RBFOX3: variants seen among roughly 807,000 people sequenced by gnomAD.
The protein encoded by RBFOX3 is RNA binding protein fox-1 homolog 3.
In RBFOX3, 17 loss-of-function variants were observed where a neutral mutation model predicts 48.7. The observed-to-expected ratio is 0.35, with a 90% confidence interval of 0.24 to 0.52. The LOEUF is 0.52. Ranked by LOEUF, RBFOX3 falls within the 20% of genes least tolerant of loss-of-function variation. The probability of loss-of-function intolerance (pLI) is 0.94; values close to 1 mark genes in which losing one functional copy is unlikely to be tolerated. For missense variants in RBFOX3, 382 were observed against 497.5 expected (o/e 0.77, Z 2.21); for synonymous variants, 212 against 209.5 (o/e 1.01, Z -0.10).
chr17:79,137,014 C>A (rs2040370371), intron 4 of RBFOX3, among the ~76,000 whole-genome samples: 1 of 152,160 alleles, frequency 6.6e-6, no homozygotes, highest in African/African-American at 2.4e-5. Context: ...ACCTTCACAA[C>A]CCTGGCATCC....
chr17:79,631,149 G>T, the RBFOX3 span, among the ~76,000 whole-genome samples: 3,164 of 152,236 alleles, frequency 0.021, 99 homozygotes, highest in African/African-American at 0.063. Flanking sequence ...ACCCTCTGGG[G>T]TGGGACTCGC....
At chr17:79,587,506 C>T (rs951956226) in intron 1 of RBFOX3, among the ~76,000 whole-genome samples, 1 of 152,196 alleles carries the variant, frequency 6.6e-6, no homozygotes, top group Non-Finnish European at 1.5e-5. Context: ...CCAGGCCAAC[C>T]CTGTTTGGGA....
chr17:79,596,346 C>T (rs952332486), intron 1 of RBFOX3, among the ~76,000 whole-genome samples: 10 of 152,326 alleles, frequency 6.6e-5, no homozygotes, highest in African/African-American at 2.2e-4. Flanking sequence ...TCAGCGGGGT[C>T]CTTGTTCCTC....
chr17:79,471,697 G>T lies in RBFOX3; in HGVS notation c.-175+10757C>A, dbSNP rs7213692. On this transcript the variant is annotated intron_variant, in intron 2 of 14. Transcript: ENST00000693108. This position sits in a 1 kb window ranked among gnomAD's most constrained non-coding sequence, Gnocchi z 4.0. Reference sequence around the variant, plus strand: ...TTTATAACAAGAAAGGACTCTGAACGTTGTCAGGTGAGTAGCACTGCCTGT... The same window carrying T: ...TTTATAACAAGAAAGGACTCTGAACTTTGTCAGGTGAGTAGCACTGCCTGT... 1.3e-5 allele frequency among the ~76,000 whole-genome samples: 2 copies of T among 152,064 alleles called. No individual in the cohort carries two copies. Among genetic ancestry groups the T allele is most frequent in the Admixed American group, 6.5e-5 (1 of 15,276 alleles).
In RBFOX3 at chr17:79,094,306, T is replaced by G. The variant is rs1416648295; in HGVS notation, c.1077+145A>C. 5.4e-6 allele frequency: 3 copies of G among 558,002 alleles called. No homozygotes were observed. In the East Asian group the frequency reaches 1.0e-4, roughly 19 times the overall value. The allele number at this position is 558,002 out of a possible 1,614,324, so 34.6% of individuals were successfully genotyped here. A position where few individuals can be genotyped will look rare whatever the true frequency, so the allele number is the denominator to read the frequency against. On this transcript the variant is annotated intron_variant, in intron 14 of 14. Transcript: ENST00000693108. ...TGAGGGGCCAGCCCTCCCCTCACCC[T>G]AACTCACATCCAGGCCGTGGTCCTT... is the stretch of plus-strand genomic sequence containing the variant.
chr17:79,124,879 C>A (rs972958237), intron 4 of RBFOX3, among the ~76,000 whole-genome samples: 1 of 151,182 alleles, frequency 6.6e-6, no homozygotes, highest in South Asian at 2.1e-4. Flanking sequence ...AGGCTGTCGT[C>A]GGCTGGCTCT....
chr17:79,127,944 G>T (rs777781950), intron 4 of RBFOX3, among the ~76,000 whole-genome samples: 4 of 152,240 alleles, frequency 2.6e-5, no homozygotes, highest in Non-Finnish European at 4.4e-5. Context: ...GCTGGTGCGG[G>T]CAGGGAGCCC....
chr17:79,247,619 T>C (rs1023676421), intron 3 of RBFOX3, among the ~76,000 whole-genome samples: 1 of 152,174 alleles, frequency 6.6e-6, no homozygotes, highest in African/African-American at 2.4e-5. Flanking sequence ...GCCCCCATGT[T>C]GTTTTAATTT....
chr17:79,412,369 CAT>C (rs917306616), intron 2 of RBFOX3, among the ~76,000 whole-genome samples: 7 of 151,346 alleles, frequency 4.6e-5, no homozygotes, highest in East Asian at 2.0e-4. Flanking sequence ...TGTGTATGCA[CAT>C]GTGTGTATGT....
chr17:79,401,574 G>C (rs1294982671), intron 2 of RBFOX3, among the ~76,000 whole-genome samples: 1 of 152,166 alleles, frequency 6.6e-6, no homozygotes, highest in Non-Finnish European at 1.5e-5. Flanking sequence ...ATGGGAGAGG[G>C]GAACCTATTT....
chr17:79,526,480 C>T (rs1227409892), intron 1 of RBFOX3, among the ~76,000 whole-genome samples: 9 of 152,230 alleles, frequency 5.9e-5, no homozygotes, highest in South Asian at 2.1e-4. Flanking sequence ...TGACAAACAG[C>T]GAGGTCAGGA....
intron 2 of RBFOX3, among the ~76,000 whole-genome samples, chr17:79,478,873 A>C (rs1251123274): frequency 6.6e-6 from 1 of 152,218 alleles, no homozygotes; most frequent in African/African-American, 2.4e-5. Context: ...TCCATAGTTA[A>C]AGGGATGAGC....
intron 2 of RBFOX3, among the ~76,000 whole-genome samples, chr17:79,357,603 C>T (rs1447405354): frequency 6.6e-6 from 1 of 152,002 alleles, no homozygotes. Flanking sequence ...TGCACTCCAG[C>T]CTGGGCGACA....
At chr17:79,324,641 A>C (rs1029253047) in intron 2 of RBFOX3, among the ~76,000 whole-genome samples, 2 of 152,262 alleles carry the variant, frequency 1.3e-5, no homozygotes, top group East Asian at 3.9e-4. Context: ...TCCCGGCCCC[A>C]TTTGGAGTTC....
intron 4 of RBFOX3, among the ~76,000 whole-genome samples, chr17:79,139,018 A>C (rs2041308799): frequency 7.5e-6 from 1 of 133,470 alleles, no homozygotes. Context: ...ACATGCGTTC[A>C]TGCCCTCACC....
intron 4 of RBFOX3, among the ~76,000 whole-genome samples, chr17:79,151,915 CGAGGA>C (rs2044585833): frequency 6.6e-5 from 1 of 15,046 alleles, no homozygotes. Flanking sequence ...GGAGGGGAGG[CGAGGA>C]TGGGAGGGGA....
chr17:79,215,900 T>C (rs907982815), intron 4 of RBFOX3, among the ~76,000 whole-genome samples: 1 of 152,260 alleles, frequency 6.6e-6, no homozygotes, highest in Admixed American at 6.5e-5. Flanking sequence ...CTGTGGATGC[T>C]GGTGCAGGCA....
rs1320178316 is a variant in RBFOX3 at position 79,492,889 on chromosome 17, A to G, written c.-319-10291T>C. Among the ~76,000 whole-genome samples, 4 of 152,188 alleles carry G rather than the reference A, an allele frequency of 2.6e-5. No homozygotes were observed. In the East Asian group the frequency reaches 7.7e-4, roughly 29 times the overall value. ...TGGTGGGAGAGAAAGGCCCGTGAGG[A>G]GGGAGGAGGAAGAGCCCTCAAAAGG... On this transcript the variant is annotated intron_variant, in intron 1 of 14. Transcript: ENST00000693108.
At chr17:79,157,310 C>T (rs1156591049) in intron 4 of RBFOX3, among the ~76,000 whole-genome samples, 1 of 152,202 alleles carries the variant, frequency 6.6e-6, no homozygotes, top group African/African-American at 2.4e-5. Context: ...TGTGGCCTAG[C>T]CAAGAGCCCA....
Sources: allele counts gnomAD v4.1 joint callset (sites outside exome capture counted in the v4.1 genomes callset), GRCh38; gene constraint gnomAD v4.1.1; non-coding constraint Gnocchi (gnomAD v3.1); transcripts MANE v1.5; gene names NCBI Gene and HGNC (gene_info 2026-07-23, HGNC 2026-07-21).